The following SLC25A26 variants were observed in gnomAD, a reference collection of about 807,000 sequenced individuals.
The protein encoded by SLC25A26 is solute carrier family 25 member 26.
A neutral mutation model predicts 37.8 loss-of-function variants in SLC25A26; 36 were observed. The ratio of observed to expected loss-of-function variants is 0.95; its 90% CI spans 0.73 to 1.26. The LOEUF (loss-of-function observed/expected upper bound fraction) is 1.26. SLC25A26 is among the 50% of genes most tolerant of loss of function. The probability of loss-of-function intolerance (pLI) is 0.00; values close to 1 mark genes in which losing one functional copy is unlikely to be tolerated. For missense variants in SLC25A26, 390 were observed against 331.1 expected (o/e 1.18, Z -1.38); for synonymous variants, 129 against 122.5 (o/e 1.05, Z -0.35).
At chr3:66,182,116 AAG>A (rs1206999124) in intron 1 of SLC25A26, among the ~76,000 whole-genome samples, 2 of 152,194 alleles carry the variant, frequency 1.3e-5, no homozygotes, top group Admixed American at 1.3e-4. Context: ...GACAAAAAGA[AAG>A]AGAACAGGGT....
At chr3:66,331,865 G>T (rs1288700200) in intron 5 of SLC25A26, among the ~76,000 whole-genome samples, 1 of 151,924 alleles carries the variant, frequency 6.6e-6, no homozygotes, top group Non-Finnish European at 1.5e-5. Context: ...GATAACTTTG[G>T]AATATTTTCA....
chr3:66,367,806 A>G (rs1353166966), intron 7 of SLC25A26, among the ~76,000 whole-genome samples: 1 of 152,184 alleles, frequency 6.6e-6, no homozygotes, highest in Non-Finnish European at 1.5e-5. Flanking sequence ...TATGGTTAAA[A>G]GAGTAGGATT....
chr3:66,155,891 A>T (rs750554019), intron 1 of SLC25A26, among the ~76,000 whole-genome samples: 35 of 152,140 alleles, frequency 2.3e-4, no homozygotes, highest in Non-Finnish European at 4.7e-4. Context: ...TTGATCATAC[A>T]TGAGACCAGA....
intron 1 of SLC25A26, among the ~76,000 whole-genome samples, chr3:66,227,856 G>T (rs550542225): frequency 1.3e-5 from 2 of 152,204 alleles, no homozygotes; most frequent in Admixed American, 1.3e-4. Context: ...AGTGAAGAAA[G>T]GTAATACGAA....
At chr3:66,319,472 A>G (rs2075633606) in intron 5 of SLC25A26, among the ~76,000 whole-genome samples, 1 of 152,178 alleles carries the variant, frequency 6.6e-6, no homozygotes, top group Admixed American at 6.5e-5. Context: ...ACTGGGGGAA[A>G]CAAAATTAGA....
chr3:66,242,738 T>C (rs782387992), intron 2 of SLC25A26, among the ~76,000 whole-genome samples: 4 of 152,320 alleles, frequency 2.6e-5, no homozygotes, highest in Middle Eastern at 6.8e-3. Context: ...CAGTAAAAAA[T>C]AGCCATGATT....
At chr3:66,216,856 G>A (rs1289230331), upstream of SLC25A26, among the ~76,000 whole-genome samples, 3 of 152,128 alleles carry the variant, frequency 2.0e-5, no homozygotes, top group Admixed American at 6.5e-5. Context: ...TATGCTGCCT[G>A]CAATGTGGTG....
intron 5 of SLC25A26, among the ~76,000 whole-genome samples, chr3:66,287,720 T>C (rs1421373234): frequency 6.6e-6 from 1 of 152,266 alleles, no homozygotes; most frequent in Non-Finnish European, 1.5e-5. Flanking sequence ...TGAGTTGTCT[T>C]CCTTACAATA....
At chr3:66,260,676 G>A (rs750598134) in intron 3 of SLC25A26, among the ~76,000 whole-genome samples, 1 of 152,156 alleles carries the variant, frequency 6.6e-6, no homozygotes, top group African/African-American at 2.4e-5. Context: ...TATCTGTTCT[G>A]TGCCCAGTCT....
At chr3:66,286,044 C>T (rs2074502599) in intron 5 of SLC25A26, among the ~76,000 whole-genome samples, 2 of 152,154 alleles carry the variant, frequency 1.3e-5, no homozygotes, top group Non-Finnish European at 2.9e-5. Flanking sequence ...GTCTTTTTCT[C>T]ATTTTTAATT....
intron 6 of SLC25A26, among the ~76,000 whole-genome samples, chr3:66,361,097 G>A (rs530295654): frequency 3.9e-5 from 6 of 152,322 alleles, no homozygotes; most frequent in African/African-American, 1.4e-4. Context: ...CCACACATAT[G>A]TGGACAATTG....
intron 5 of SLC25A26, among the ~76,000 whole-genome samples, chr3:66,312,317 G>A (rs1363507919): frequency 6.6e-6 from 1 of 152,116 alleles, no homozygotes; most frequent in African/African-American, 2.4e-5. Flanking sequence ...TTCAGTAATG[G>A]TGGATGCCCT....
At chr3:66,259,292 T>G (rs978029590) in intron 3 of SLC25A26, among the ~76,000 whole-genome samples, 6 of 152,224 alleles carry the variant, frequency 3.9e-5, no homozygotes, top group African/African-American at 1.4e-4. Flanking sequence ...CTTTGGGTGT[T>G]ACTATCTGGT....
chr3:66,323,467 G>C (rs1387803470), intron 5 of SLC25A26, among the ~76,000 whole-genome samples: 1 of 152,168 alleles, frequency 6.6e-6, no homozygotes, highest in African/African-American at 2.4e-5. Flanking sequence ...CATAGAGCTG[G>C]GTAAATGGGA....
At chr3:66,329,604 A>G (rs1396424735) in intron 5 of SLC25A26, among the ~76,000 whole-genome samples, 1 of 152,204 alleles carries the variant, frequency 6.6e-6, no homozygotes, top group East Asian at 1.9e-4. Flanking sequence ...ATTATAAAGG[A>G]ATTGGATATT....
intron 7 of SLC25A26, among the ~76,000 whole-genome samples, chr3:66,363,388 C>T (rs1292761330): frequency 6.6e-6 from 1 of 152,090 alleles, no homozygotes; most frequent in Non-Finnish European, 1.5e-5. Context: ...AGCAGAGGCT[C>T]CTCCATAACT....
At chr3:66,332,301 A>G (rs1042004447) in intron 5 of SLC25A26, among the ~76,000 whole-genome samples, 2 of 152,104 alleles carry the variant, frequency 1.3e-5, no homozygotes, top group African/African-American at 4.8e-5. Flanking sequence ...CAATGCTTTG[A>G]TATTCCTTTG....
chr3:66,304,907 A>G (rs925697552), intron 5 of SLC25A26, among the ~76,000 whole-genome samples: 1 of 152,210 alleles, frequency 6.6e-6, no homozygotes, highest in Non-Finnish European at 1.5e-5. Flanking sequence ...TAAACTCACA[A>G]CCATTTTACC....
intron 1 of SLC25A26, among the ~76,000 whole-genome samples, chr3:66,168,687 G>A (rs2070457312): frequency 6.6e-6 from 1 of 152,204 alleles, no homozygotes; most frequent in Non-Finnish European, 1.5e-5. Context: ...CAGGGACTGA[G>A]GCAGGATCTA....
Sources: gnomAD v4.1 joint callset for allele counts (sites outside exome capture counted in the v4.1 genomes callset) on GRCh38, gnomAD v4.1.1 for gene constraint, MANE v1.5 for transcripts, NCBI Gene and HGNC (gene_info 2026-07-23, HGNC 2026-07-21) for gene names.